Variants in AFAP1 observed in about 807,000 individuals in gnomAD.
The protein encoded by AFAP1 is actin filament-associated protein 1.
Under a neutral mutation model 93.9 loss-of-function variants are expected in AFAP1, and 75 were observed. The observed-to-expected ratio is 0.80, with a 90% CI of 0.66 to 0.97. The LOEUF (loss-of-function observed/expected upper bound fraction) is 0.97, where lower values mean the gene tolerates loss of function less well. Ranked by LOEUF, AFAP1 falls within the 50% of genes least tolerant of loss-of-function variation. The probability of loss-of-function intolerance (pLI) is 0.00; values close to 1 mark genes in which losing one functional copy is unlikely to be tolerated. For synonymous variants in AFAP1, 517 were observed against 430.7 expected (o/e 1.20, Z -2.48); for missense variants, 1,201 against 1,050.8 (o/e 1.14, Z -1.98).
chr4:7,905,755 C>T (rs758399959), intron 1 of AFAP1, among the ~76,000 whole-genome samples: 3 of 152,192 alleles, frequency 2.0e-5, no homozygotes, highest in Non-Finnish European at 4.4e-5. Context: ...TCAAGAAGCA[C>T]ACACAGGGAA....
intron 1 of AFAP1, among the ~76,000 whole-genome samples, chr4:7,872,958 A>C (rs1717182281): frequency 6.7e-6 from 1 of 150,074 alleles, no homozygotes; most frequent in Non-Finnish European, 1.5e-5. Context: ...AAAAAAAAAA[A>C]AACTACTTGG....
chr4:7,851,681 G>A (rs1714458400), intron 4 of AFAP1, among the ~76,000 whole-genome samples: 1 of 152,110 alleles, frequency 6.6e-6, no homozygotes, highest in Admixed American at 6.5e-5. Context: ...CATGAACTCA[G>A]CAACACGGAC....
intron 11 of AFAP1, among the ~76,000 whole-genome samples, chr4:7,788,405 C>T (rs1328224434): frequency 6.6e-6 from 1 of 152,226 alleles, no homozygotes; most frequent in Non-Finnish European, 1.5e-5. Flanking sequence ...GTGCGGGCCG[C>T]GGAAATGGCT....
intron 1 of AFAP1, among the ~76,000 whole-genome samples, chr4:7,908,663 CAACATTCCTTGTTCA>C (rs1719559958): frequency 6.6e-6 from 1 of 152,140 alleles, no homozygotes; most frequent in Non-Finnish European, 1.5e-5. Context: ...AGTGGCAAAA[CAACATTCCTTGTTCA>C]AAGAGAAATT....
Position 7,838,716 on chromosome 4 carries a change from C to T in AFAP1, c.547-13G>A. ...AACTTTTATAGCACTGCATTCAACA[C>T]AACAAATCAACTGATATTATAAGGG... On this transcript the variant is annotated splice_polypyrimidine_tract_variant and intron_variant, in intron 5 of 17. Coordinates refer to ENST00000420658, the MANE Select transcript of AFAP1 (RefSeq NM_001134647.2). 1.9e-6 allele frequency: 3 copies of T among 1,612,308 alleles called. No homozygotes were observed. Among genetic ancestry groups the T allele is most frequent in the Non-Finnish European group, 1.7e-6 (2 of 1,178,894 alleles).
At chr4:7,876,410 G>C (rs979359618) in intron 1 of AFAP1, among the ~76,000 whole-genome samples, 4 of 152,230 alleles carry the variant, frequency 2.6e-5, no homozygotes, top group African/African-American at 9.6e-5. Flanking sequence ...CAGTCAATCA[G>C]ATCTTCCATT....
rs537292259 is a variant in AFAP1, at chr4:7,912,078, A to G, written c.-3+27578T>C. On this transcript the variant is annotated intron_variant, in intron 1 of 17. Coordinates refer to ENST00000420658, the MANE Select transcript of AFAP1 (RefSeq NM_001134647.2). ...TGAAGTCCACACAGACCCAGGATGG[A>G]AAAAAGGGTATTATGCATGATGGTG... Among the ~76,000 whole-genome samples the G allele has an allele frequency of 4.6e-5, 7 of 152,336 alleles. No individual in the cohort carries two copies. In the South Asian group the frequency reaches 1.5e-3, roughly 32 times the overall value.
chr4:7,842,324 A>AT (rs1713127285), intron 5 of AFAP1, among the ~76,000 whole-genome samples: 3 of 133,154 alleles, frequency 2.3e-5, no homozygotes, highest in Non-Finnish European at 3.3e-5. Flanking sequence ...AAAAAAAAAG[A>AT]TAAAAAAAGG....
rs1411907185 is a variant in AFAP1, at chr4:7,879,774, T to A, written c.-2-7694A>T. Among the ~76,000 whole-genome samples, 8 of 147,726 alleles carry A rather than the reference T, an allele frequency of 5.4e-5. No individual in the cohort carries two copies. In the Admixed American group the frequency reaches 5.5e-4, roughly 10 times the overall value. ...TGGAGTGCAGTGATGCGATCACATA[T>A]CACACCTCACACTCCCAAACAGCTG... On this transcript the variant is annotated intron_variant, in intron 1 of 17. Coordinates refer to ENST00000420658, the MANE Select transcript of AFAP1 (RefSeq NM_001134647.2).
At chr4:7,766,517 C>T (rs767993383) in intron 17 of AFAP1, among the ~76,000 whole-genome samples, 3 of 152,142 alleles carry the variant, frequency 2.0e-5, no homozygotes, top group Non-Finnish European at 4.4e-5. Flanking sequence ...CTCCACTCAA[C>T]TCGGAGCAGG....
intron 11 of AFAP1, among the ~76,000 whole-genome samples, chr4:7,791,357 C>T (rs551544323): frequency 1.3e-5 from 2 of 152,168 alleles, no homozygotes; most frequent in African/African-American, 2.4e-5. Context: ...GTGAAAGATG[C>T]TGGAGCTGCA....
intron 1 of AFAP1, among the ~76,000 whole-genome samples, chr4:7,927,213 A>AG (rs1180876200): frequency 3.3e-5 from 5 of 152,200 alleles, no homozygotes; most frequent in Non-Finnish European, 7.3e-5. Flanking sequence ...GCTCTAGCAG[A>AG]GCTCAGGTGA....
chr4:7,843,451 T>A, intron 4 of AFAP1, 101 bp from the exon 5 acceptor site: 1 of 1,109,880 alleles, frequency 9.0e-7, no homozygotes, highest in Non-Finnish European at 1.3e-6. Flanking sequence ...ACCAAGTAAC[T>A]GAATGAGAAA....
chr4:7,924,769 A>G (rs2149239960), intron 1 of AFAP1, among the ~76,000 whole-genome samples: 1 of 152,282 alleles, frequency 6.6e-6, no homozygotes, highest in Non-Finnish European at 1.5e-5. Context: ...GAGGCCAGCC[A>G]GGCTAGCACA....
intron 11 of AFAP1, among the ~76,000 whole-genome samples, chr4:7,791,216 G>T (rs1717832055): frequency 6.6e-6 from 1 of 152,166 alleles, no homozygotes; most frequent in South Asian, 2.1e-4. Context: ...TGGCAGGTCT[G>T]CCAGCAGCTG....
chr4:7,886,555 G>T (rs959510657), intron 1 of AFAP1, among the ~76,000 whole-genome samples: 1 of 152,178 alleles, frequency 6.6e-6, no homozygotes, highest in East Asian at 1.9e-4. Flanking sequence ...AGCCAGCAAG[G>T]AGTCTTCAAA....
Position 7,939,362 on chromosome 4 carries a change from A to G in AFAP1, c.-3+294T>C. ...CCTCTGACGCACACGGGGACCAGCC[A>G]CGCCGCGGGGGCACCGGGCAGGAGC... On this transcript the variant is annotated intron_variant, in intron 1 of 17. Coordinates refer to ENST00000420658, the MANE Select transcript of AFAP1 (RefSeq NM_001134647.2). The surrounding 1 kb of genome is among the most constrained non-coding windows in gnomAD (Gnocchi z 5.6). 3.1e-6 allele frequency: 1 copy of G among 322,244 alleles called. No homozygotes were observed. Among genetic ancestry groups the G allele is most frequent in the Non-Finnish European group, 6.2e-6 (1 of 161,156 alleles). 20.0% of individuals were successfully genotyped at this position (322,244 alleles called of 1,614,324 possible).
Position 7,915,761 on chromosome 4 carries a change from G to T in AFAP1, c.-3+23895C>A, listed in dbSNP as rs760817391. ...CCCCACAAAACCACTTCACAAAGCC[G>T]CCCTGCGGCAAGCCCCTCAATGGAG... On this transcript the variant is annotated intron_variant, in intron 1 of 17. Transcript: ENST00000420658. Among the ~76,000 whole-genome samples the T allele has an allele frequency of 5.7e-4, 87 of 152,374 alleles. 2 individuals carry two copies. The highest frequency in any genetic ancestry group is 7.8e-4 in the Admixed American group (12 of 15,304).
At chr4:7,770,465 G>A (rs979959511) in intron 16 of AFAP1, among the ~76,000 whole-genome samples, 1 of 152,164 alleles carries the variant, frequency 6.6e-6, no homozygotes, top group African/African-American at 2.4e-5. Context: ...AGGGGCAGAG[G>A]ACACTGCAAG....
Sources: gnomAD v4.1 joint callset for allele counts (sites outside exome capture counted in the v4.1 genomes callset) on GRCh38, gnomAD v4.1.1 for gene constraint, Gnocchi (gnomAD v3.1) non-coding constraint, MANE v1.5 for transcripts, NCBI Gene and HGNC (gene_info 2026-07-23, HGNC 2026-07-21) for gene names.